SDK1: variants seen among roughly 807,000 people sequenced by gnomAD.
SDK1 encodes the protein protein sidekick-1.
Under a neutral mutation model 245.5 loss-of-function variants are expected in SDK1, and 157 were observed. That is an observed-to-expected ratio of 0.64 (90% CI 0.56 to 0.73). The LOEUF (loss-of-function observed/expected upper bound fraction) is 0.73, where lower values mean the gene tolerates loss of function less well. SDK1 is among the 30% of genes least tolerant of loss of function. The probability of loss-of-function intolerance (pLI) is 0.00; values close to 1 mark genes in which losing one functional copy is unlikely to be tolerated. For missense variants in SDK1, 3,583 were observed against 3,002.3 expected (o/e 1.19, Z -4.52); for synonymous variants, 1,647 against 1,278.5 (o/e 1.29, Z -6.15).
At chr7:3,586,020 T>G (rs1780676452) in intron 1 of SDK1, among the ~76,000 whole-genome samples, 1 of 151,890 alleles carries the variant, frequency 6.6e-6, no homozygotes, top group African/African-American at 2.4e-5. Context: ...GCTGATTGAG[T>G]GGAAGAGAGC....
intron 1 of SDK1, among the ~76,000 whole-genome samples, chr7:3,590,435 G>T (rs1321335501): frequency 6.6e-6 from 1 of 150,932 alleles, no homozygotes; most frequent in African/African-American, 2.4e-5. Flanking sequence ...TTTACATCAT[G>T]TAACAAATTT....
chr7:3,602,414 T>C (rs1781281827), intron 1 of SDK1, among the ~76,000 whole-genome samples: 2 of 150,808 alleles, frequency 1.3e-5, no homozygotes, highest in Admixed American at 1.3e-4. Context: ...TGATTTGCAT[T>C]TATCTGATGG....
In SDK1 at chr7:4,151,761, C is replaced by T. The variant is rs534861020; in HGVS notation, c.4625+2298C>T. 2.0e-5 allele frequency among the ~76,000 whole-genome samples: 3 copies of T among 152,348 alleles called. No homozygotes were observed. The South Asian group carries it at 6.2e-4, about 32-fold the overall frequency. On this transcript the variant is annotated intron_variant, in intron 30 of 44. Coordinates refer to ENST00000404826, the MANE Select transcript of SDK1 (RefSeq NM_152744.4). ...CCATGTGGACATGCAGCCCAGACTT[C>T]TCACTATTCCCAGTTTACACACGCA...
intron 4 of SDK1, among the ~76,000 whole-genome samples, chr7:3,745,864 A>G (rs561787506): frequency 6.6e-6 from 1 of 152,318 alleles, no homozygotes; most frequent in East Asian, 1.9e-4. Context: ...ATGGATTGAA[A>G]CTATTAATTT....
intron 35 of SDK1, 97 bp downstream of exon 35, chr7:4,178,683 C>T (rs1051754697): frequency 1.9e-5 from 16 of 827,992 alleles, no homozygotes; most frequent in East Asian, 2.5e-5. Context: ...TGTCCAGCAG[C>T]GTTCTTTCTC....
chr7:4,217,258 CACCACCCGGAGCACCAG>C (rs1784863138), intron 38 of SDK1, among the ~76,000 whole-genome samples: 1 of 131,484 alleles, frequency 7.6e-6, no homozygotes. Context: ...CGGAGAACCA[CACCACCCGGAGCACCAG>C]GCCACCCGGA....
chr7:3,602,365 C>T (rs1781280481), intron 1 of SDK1, among the ~76,000 whole-genome samples: 1 of 151,190 alleles, frequency 6.6e-6, no homozygotes, highest in African/African-American at 2.4e-5. Context: ...TTAATGATTG[C>T]TATTCTAACT....
At chr7:4,041,099 C>T (rs1411695206) in intron 17 of SDK1, among the ~76,000 whole-genome samples, 1 of 152,140 alleles carries the variant, frequency 6.6e-6, no homozygotes, top group Admixed American at 6.5e-5. Context: ...GTGCCTGGTA[C>T]AGACAAACAA....
At chr7:3,982,175 G>A (rs1455610324) in intron 13 of SDK1, among the ~76,000 whole-genome samples, 1 of 152,324 alleles carries the variant, frequency 6.6e-6, no homozygotes, top group East Asian at 1.9e-4. Flanking sequence ...TCTGTAAATG[G>A]AACAGCAAAG....
chr7:3,346,076 T>G (rs374282786), intron 1 of SDK1, among the ~76,000 whole-genome samples: 3 of 152,360 alleles, frequency 2.0e-5, no homozygotes, highest in African/African-American at 7.2e-5. Context: ...ATTTAGAGTC[T>G]CAGTTTTTCC....
At chr7:3,654,371 A>G (rs982907692) in intron 4 of SDK1, among the ~76,000 whole-genome samples, 1 of 152,164 alleles carries the variant, frequency 6.6e-6, no homozygotes, top group Non-Finnish European at 1.5e-5. Flanking sequence ...CAGACTGCTG[A>G]TGAGCTCCCT....
At position 4,012,191 on chromosome 7, in the gene SDK1, C is replaced by A; in HGVS notation, c.2376C>A (p.Pro792=). The change falls in exon 16 of 45, where the codon CCC becomes CCA. Residue 792 remains proline, a synonymous_variant. Transcript: ENST00000404826. ...NQSIMVQWQP[P]PETEHNGVLR... ...CCATTATGGTCCAGTGGCAGCCACC[C>A]CCAGAAACAGAGCACAACGGGGTGT... 1 of 1,569,506 alleles carries A rather than the reference C, an allele frequency of 6.4e-7. No individual in the cohort carries two copies.
At chr7:4,165,260 C>G (rs989577431) in intron 32 of SDK1, among the ~76,000 whole-genome samples, 1 of 152,090 alleles carries the variant, frequency 6.6e-6, no homozygotes, top group South Asian at 2.1e-4. Context: ...TCGGGAGGCT[C>G]AGGCAGGAGA....
intron 1 of SDK1, among the ~76,000 whole-genome samples, chr7:3,590,953 T>C (rs1230370866): frequency 1.3e-5 from 2 of 152,084 alleles, no homozygotes; most frequent in East Asian, 3.9e-4. Flanking sequence ...TGGCTAATTT[T>C]TGTATTTTTT....
chr7:4,048,940 A>G (rs1282674089), intron 17 of SDK1, among the ~76,000 whole-genome samples: 2 of 152,178 alleles, frequency 1.3e-5, no homozygotes, highest in African/African-American at 4.8e-5. Flanking sequence ...GCCTCAATGT[A>G]ATGAACAATT....
chr7:4,149,922 G>A (rs1780242132), intron 30 of SDK1, among the ~76,000 whole-genome samples: 1 of 152,180 alleles, frequency 6.6e-6, no homozygotes, highest in South Asian at 2.1e-4. Context: ...CGAGTACTGT[G>A]CTTCCTTAGT....
At position 3,608,555 on chromosome 7, in the gene SDK1, C is replaced by T. The variant is rs562947053; in HGVS notation, c.299-10525C>T. The stretch of plus-strand genomic sequence containing the variant: ...TTTTGGAAACCTTGAATATGCCCAC[C>T]ATGAGCTTGACACTTTCGCATTATT... On this transcript the variant is annotated intron_variant, in intron 1 of 44. Coordinates refer to ENST00000404826, the MANE Select transcript of SDK1 (RefSeq NM_152744.4). Among the ~76,000 whole-genome samples the T allele has an allele frequency of 3.9e-5, 6 of 152,262 alleles. No homozygotes were observed. The South Asian group carries it at 1.2e-3, about 32-fold the overall frequency.
chr7:3,790,006 C>G (rs1463092190), intron 4 of SDK1, among the ~76,000 whole-genome samples: 6 of 152,074 alleles, frequency 3.9e-5, no homozygotes, highest in Non-Finnish European at 1.5e-5. Context: ...TTTCCTGCCA[C>G]CACCTCTCCC....
At position 4,020,194 on chromosome 7, in the gene SDK1, AAC is replaced by A. The variant is rs367962048; in HGVS notation, c.2602+2844_2602+2845del. On this transcript the variant is annotated intron_variant, in intron 17 of 44. Transcript: ENST00000404826. The stretch of plus-strand genomic sequence containing the variant: ...GTCCCAGGATAAATTGGGGGCTGAT[AAC>A]AGTTACTGGCCAGAGTGTTAGGACA... Among the ~76,000 whole-genome samples, 1,200 of 152,164 alleles carry A rather than the reference AAC, an allele frequency of 7.9e-3. 18 individuals are homozygous for A. The highest frequency in any genetic ancestry group is 0.027 in the African/African-American group (1,136 of 41,504).
Sources: allele counts gnomAD v4.1 joint callset (sites outside exome capture counted in the v4.1 genomes callset), GRCh38; gene constraint gnomAD v4.1.1; transcripts MANE v1.5; gene names NCBI Gene and HGNC (gene_info 2026-07-23, HGNC 2026-07-21).